MBD5: variants seen among roughly 807,000 people sequenced by gnomAD.
MBD5 encodes the protein methyl-CpG binding domain protein 5.
MBD5 carries 13 observed loss-of-function variants against 117.3 expected under a neutral mutation model. That is an observed-to-expected ratio of 0.11 (90% CI 0.07 to 0.18). The LOEUF (loss-of-function observed/expected upper bound fraction) is 0.18. Ranked by LOEUF, MBD5 falls within the 10% of genes least tolerant of loss-of-function variation. The pLI is 1.00. For synonymous variants in MBD5, 727 were observed against 766.4 expected, an observed-to-expected ratio of 0.95 and a Z score of 0.85; for missense variants, 1,879 against 2,093.8, an observed-to-expected ratio of 0.90 and a Z score of 2.00.
chr2:148,152,930 T>C (rs1262055267), intron 1 of MBD5, among the ~76,000 whole-genome samples: 1 of 151,942 alleles, frequency 6.6e-6, no homozygotes, highest in Non-Finnish European at 1.5e-5. Flanking sequence ...GAGCATTTAG[T>C]CCATTTACAT....
At chr2:148,474,861 A>G (rs1680909803) in intron 8 of MBD5, among the ~76,000 whole-genome samples, 1 of 152,170 alleles carries the variant, frequency 6.6e-6, no homozygotes. Context: ...GTAAAAGACT[A>G]CAAAGTAATG....
chr2:148,449,095 T>C (rs969090076), intron 4 of MBD5, among the ~76,000 whole-genome samples: 4 of 152,182 alleles, frequency 2.6e-5, no homozygotes, highest in Non-Finnish European at 5.9e-5. Context: ...CTCGTTGCTA[T>C]TCTTTAAAAC....
chr2:148,035,515 T>G (rs576104581), intron 1 of MBD5, among the ~76,000 whole-genome samples: 1 of 152,322 alleles, frequency 6.6e-6, no homozygotes, highest in Non-Finnish European at 1.5e-5. Flanking sequence ...AGTGGACATC[T>G]GTAAACATGA....
chr2:148,228,371 T>C (rs1699891865), intron 2 of MBD5, among the ~76,000 whole-genome samples: 1 of 152,180 alleles, frequency 6.6e-6, no homozygotes, highest in Non-Finnish European at 1.5e-5. Flanking sequence ...GAGATAATCA[T>C]GTGGTTTTTG....
chr2:148,501,289 G>A lies in MBD5; in HGVS notation c.4963-1147G>A, dbSNP rs550210446. Among the ~76,000 whole-genome samples, 17 of 152,294 alleles carry A rather than the reference G, an allele frequency of 1.1e-4. No homozygotes were observed. In the South Asian group the frequency reaches 1.9e-3, roughly 17 times the overall value. On this transcript the variant is annotated intron_variant, in intron 11 of 13. Coordinates refer to ENST00000642680, the MANE Select transcript of MBD5 (RefSeq NM_001378120.1). ...TGTTGGGGACACAAAGACAAAAGTT[G>A]ATAATCATTTCCTTGCTTATTAGTG...
intron 2 of MBD5, among the ~76,000 whole-genome samples, chr2:148,189,061 C>T (rs1034581774): frequency 2.8e-5 from 4 of 141,930 alleles, no homozygotes; most frequent in Admixed American, 1.4e-4. Flanking sequence ...GCTTAAGAAA[C>T]GGCGCACCAC....
intron 1 of MBD5, among the ~76,000 whole-genome samples, chr2:148,076,279 A>G (rs1257658049): frequency 1.3e-5 from 2 of 152,136 alleles, no homozygotes; most frequent in Non-Finnish European, 1.5e-5. Context: ...AAAAGGCTCC[A>G]TGTAGCCTGA....
chr2:148,440,490 A>G (rs574926212), intron 4 of MBD5, among the ~76,000 whole-genome samples: 2 of 152,326 alleles, frequency 1.3e-5, no homozygotes, highest in Non-Finnish European at 2.9e-5. Flanking sequence ...ACATGCCTGC[A>G]GTTAGCATCT....
At chr2:148,419,167 G>A (rs1335230568) in intron 4 of MBD5, among the ~76,000 whole-genome samples, 1 of 152,078 alleles carries the variant, frequency 6.6e-6, no homozygotes, top group African/African-American at 2.4e-5. Flanking sequence ...TGGGAAAATT[G>A]GATAGCAACA....
chr2:148,080,736 C>T (rs1054763641), intron 1 of MBD5, among the ~76,000 whole-genome samples: 4 of 151,990 alleles, frequency 2.6e-5, no homozygotes, highest in African/African-American at 9.7e-5. Flanking sequence ...TAACATACAA[C>T]CTAGGTCAAA....
At chr2:148,086,887 C>G in intron 1 of MBD5, among the ~76,000 whole-genome samples, 1 of 152,072 alleles carries the variant, frequency 6.6e-6, no homozygotes, top group East Asian at 1.9e-4. Context: ...TTTGAATTAC[C>G]CATTTGACCC....
At chr2:148,170,189 G>T (rs1437307731) in intron 1 of MBD5, among the ~76,000 whole-genome samples, 1 of 152,168 alleles carries the variant, frequency 6.6e-6, no homozygotes, top group Admixed American at 6.5e-5. Flanking sequence ...GAGCCACCGC[G>T]CCCGGCCCGG....
Position 148,515,011 on chromosome 2 carries a change from G to A in MBD5, c.*2070G>A, listed in dbSNP as rs1193143771. 6.6e-6 allele frequency: 1 copy of A among 152,154 alleles called. No individual in the cohort carries two copies. Among genetic ancestry groups the A allele is most frequent in the African/African-American group, 2.4e-5 (1 of 41,420 alleles). The allele number at this position is 152,154 out of a possible 1,614,324, so 9.4% of individuals were successfully genotyped here. ...GCAGTCACATGAAGTAATCTTTTGTGTAGTTTAGTTGACACATGTTTATAA... is the reference window on the plus strand; with the variant it reads ...GCAGTCACATGAAGTAATCTTTTGTATAGTTTAGTTGACACATGTTTATAA... On this transcript the variant is annotated 3_prime_UTR_variant, in exon 14 of 14. Transcript: ENST00000642680.
intron 1 of MBD5, among the ~76,000 whole-genome samples, chr2:148,069,793 T>G (rs1401821711): frequency 6.6e-6 from 1 of 152,196 alleles, no homozygotes; most frequent in African/African-American, 2.4e-5. Flanking sequence ...CATTGGTGAT[T>G]CTTTTTTAAT....
At chr2:148,362,704 AG>A (rs1449942243) in intron 4 of MBD5, among the ~76,000 whole-genome samples, 3 of 152,314 alleles carry the variant, frequency 2.0e-5, no homozygotes, top group East Asian at 3.9e-4. Flanking sequence ...GACACTTCCC[AG>A]CAGGGGTCGA....
At position 148,170,860 on chromosome 2, in the gene MBD5, A is replaced by G. The variant is rs1315676419; in HGVS notation, c.-924-7840A>G. 2.0e-5 allele frequency among the ~76,000 whole-genome samples: 3 copies of G among 152,238 alleles called. No individual in the cohort carries two copies. In the East Asian group the frequency reaches 5.8e-4, roughly 29 times the overall value. On this transcript the variant is annotated intron_variant, in intron 1 of 13. Transcript: ENST00000642680. Reference sequence around the variant, plus strand: ...TGGATCATAAGAGACCACTATGAACAATTCTACACCAACCAATTAGATTAC... The same window carrying G: ...TGGATCATAAGAGACCACTATGAACGATTCTACACCAACCAATTAGATTAC...
At chr2:148,386,968 A>C (rs1010107742) in intron 4 of MBD5, among the ~76,000 whole-genome samples, 4 of 152,118 alleles carry the variant, frequency 2.6e-5, no homozygotes, top group Admixed American at 2.6e-4. Context: ...GCTGTAACTG[A>C]CCCCTGGCCT....
At chr2:148,054,880 C>T (rs1326527716) in intron 1 of MBD5, 1 of 152,078 alleles carries the variant, frequency 6.6e-6, no homozygotes, top group Admixed American at 6.6e-5. Context: ...ATATTCCCAC[C>T]ATCAGAGTAT....
chr2:148,032,611 A>G (rs961470534), intron 1 of MBD5, among the ~76,000 whole-genome samples: 3 of 152,178 alleles, frequency 2.0e-5, no homozygotes, highest in Non-Finnish European at 4.4e-5. Flanking sequence ...GGAGTTATGT[A>G]GGAGCCAAAC....
Sources: gnomAD v4.1 joint callset for allele counts (sites outside exome capture counted in the v4.1 genomes callset) on GRCh38, gnomAD v4.1.1 for gene constraint, MANE v1.5 for transcripts, NCBI Gene and HGNC (gene_info 2026-07-23, HGNC 2026-07-21) for gene names.